Variants in RBM39 observed in about 807,000 individuals in gnomAD.
RBM39 encodes RNA-binding protein 39.
Under a neutral mutation model 79.6 loss-of-function variants are expected in RBM39, and 12 were observed. That is an observed-to-expected ratio of 0.15 (90% CI 0.10 to 0.24). The LOEUF is 0.24. Ranked by LOEUF, RBM39 falls within the 10% of genes least tolerant of loss-of-function variation. The probability of loss-of-function intolerance (pLI) is 1.00; values close to 1 mark genes in which losing one functional copy is unlikely to be tolerated. For missense variants in RBM39, 243 were observed against 653.4 expected (o/e 0.37, Z 6.85); for synonymous variants, 185 against 208.4 (o/e 0.89, Z 0.97).
intron 3 of RBM39, among the ~76,000 whole-genome samples, chr20:35,733,303 CAAAA>C (rs60205656): frequency 2.9e-5 from 4 of 136,282 alleles, no homozygotes; most frequent in Admixed American, 7.3e-5. Context: ...AACACCATCT[CAAAA>C]AAAAAAAAAA....
chr20:35,719,593 A>G (rs73618515), intron 9 of RBM39, among the ~76,000 whole-genome samples: 1 of 151,612 alleles, frequency 6.6e-6, no homozygotes, highest in African/African-American at 2.4e-5. Context: ...AGGAGAATCA[A>G]TTGAACCTGG....
Position 35,741,038 on chromosome 20 carries a change from T to C in RBM39, c.-13-151A>G, listed in dbSNP as rs993447206. ...CGTGAGTAAACATTTTTCTTTTTTT[T>C]TTTTTTTTTTTTTGAGACGGAGTTT... On this transcript the variant is annotated intron_variant, in intron 1 of 16. Transcript: ENST00000253363. Among the ~76,000 whole-genome samples the C allele has an allele frequency of 1.7e-3, 198 of 117,166 alleles. 3 individuals are homozygous for C. Among genetic ancestry groups the C allele is most frequent in the African/African-American group, 5.3e-3 (169 of 32,102 alleles). The allele number at this position is 117,166 out of a possible 152,430, so 76.9% of individuals were successfully genotyped here. A position where few individuals can be genotyped will look rare whatever the true frequency, so the allele number is the denominator to read the frequency against.
At chr20:35,710,118 G>A (rs1463214948) in intron 12 of RBM39, among the ~76,000 whole-genome samples, 2 of 152,168 alleles carry the variant, frequency 1.3e-5, no homozygotes, top group Admixed American at 6.5e-5. Context: ...CTCTCTTGAA[G>A]TTCTTTTTAT....
At chr20:35,730,844 AGCT>A (rs2039283752) in intron 4 of RBM39, among the ~76,000 whole-genome samples, 1 of 152,182 alleles carries the variant, frequency 6.6e-6, no homozygotes, top group Admixed American at 6.5e-5. Context: ...TCCCATTTTC[AGCT>A]ATTAAAAAGT....
Position 35,738,999 on chromosome 20 carries a change from T to C in RBM39, c.70A>G (p.Ser24Gly). The C allele has an allele frequency of 1.2e-6, 2 of 1,613,398 alleles. No individual in the cohort carries two copies. Among genetic ancestry groups the C allele is most frequent in the Non-Finnish European group, 1.7e-6 (2 of 1,179,332 alleles). ...PYKKDENKLS[S>G]ANGHEERSKK... ...CTACGTTCTTCATGGCCGTTGGCAC[T>C]GCTCAACTTGTTCTCATCCTAAGCA... The change falls in exon 3 of 17, where the codon AGT (serine) becomes GGT (glycine). Residue 24 changes from serine (S) to glycine (G), a missense_variant. This residue lies in a region of RBM39 where 115 missense variants were observed against 184.1 expected (regional missense o/e 0.62). Transcript: ENST00000253363.
chr20:35,728,302 G>A (rs1301786006), intron 6 of RBM39, among the ~76,000 whole-genome samples: 1 of 152,116 alleles, frequency 6.6e-6, no homozygotes, highest in Non-Finnish European at 1.5e-5. Flanking sequence ...TGATATAACT[G>A]CTACGTTGCC....
chr20:35,721,087 C>T (rs1047652068), intron 9 of RBM39, among the ~76,000 whole-genome samples: 3 of 151,994 alleles, frequency 2.0e-5, no homozygotes, highest in Admixed American at 6.6e-5. Context: ...AACACAGAGA[C>T]GCACCAACAC....
At chr20:35,736,465 T>C (rs1213538494) in intron 3 of RBM39, 1 of 376,368 alleles carries the variant, frequency 2.7e-6, no homozygotes, top group Non-Finnish European at 5.5e-6. Context: ...AAGCCCTGAA[T>C]AACATTATAT....
At chr20:35,729,557 T>C in intron 4 of RBM39, 30 bp from the exon 5 acceptor site, 1 of 1,602,588 alleles carries the variant, frequency 6.2e-7, no homozygotes, top group South Asian at 1.1e-5. Context: ...TTACACTAGT[T>C]ACAGGTTTAG....
At chr20:35,725,994 G>C (rs988380435) in intron 6 of RBM39, among the ~76,000 whole-genome samples, 1 of 151,854 alleles carries the variant, frequency 6.6e-6, no homozygotes, top group Non-Finnish European at 1.5e-5. Flanking sequence ...AAGATCTATT[G>C]ACAAAAAATG....
chr20:35,741,609 C>T (rs1212155973), intron 1 of RBM39: 2 of 152,202 alleles, frequency 1.3e-5, no homozygotes, highest in Non-Finnish European at 2.9e-5. Flanking sequence ...CCCGCGCTGC[C>T]ATTTTAGGGG....
At chr20:35,720,342 C>T (rs573746693) in intron 9 of RBM39, among the ~76,000 whole-genome samples, 5 of 152,216 alleles carry the variant, frequency 3.3e-5, no homozygotes, top group South Asian at 2.1e-4. Context: ...GGCCTCGTGG[C>T]GCCTGTGAAG....
chr20:35,725,657 C>CTTT (rs773506913), intron 6 of RBM39, among the ~76,000 whole-genome samples: 28 of 122,212 alleles, frequency 2.3e-4, no homozygotes, highest in African/African-American at 5.8e-4. Context: ...AACCCATTTT[C>CTTT]TTTTTTTTTT....
At chr20:35,717,536 A>C (rs2146563576) in intron 9 of RBM39, among the ~76,000 whole-genome samples, 1 of 152,342 alleles carries the variant, frequency 6.6e-6, no homozygotes, top group East Asian at 1.9e-4. Context: ...ACAGAATCGT[A>C]AAAATGGAAT....
At chr20:35,725,975 AT>A (rs2038637540) in intron 6 of RBM39, among the ~76,000 whole-genome samples, 1 of 151,944 alleles carries the variant, frequency 6.6e-6, no homozygotes, top group Non-Finnish European at 1.5e-5. Context: ...ACCCAAGCCC[AT>A]TTTCAGTAAG....
At chr20:35,717,858 AG>A (rs1458420427) in intron 9 of RBM39, among the ~76,000 whole-genome samples, 7 of 145,576 alleles carry the variant, frequency 4.8e-5, no homozygotes, top group African/African-American at 1.9e-4. Flanking sequence ...CAAACAAGAA[AG>A]GAACTTTTTT....
intron 8 of RBM39, among the ~76,000 whole-genome samples, chr20:35,723,204 T>C (rs1429485381): frequency 6.6e-6 from 1 of 150,616 alleles, no homozygotes; most frequent in Admixed American, 6.6e-5. Flanking sequence ...GAGTCAGCTG[T>C]CATCCCTCCA....
chr20:35,734,099 T>C (rs958471147), intron 3 of RBM39: 4 of 575,228 alleles, frequency 7.0e-6, no homozygotes, highest in Non-Finnish European at 1.1e-5. Context: ...AAGTTACATA[T>C]CACAAGAGCA....
At chr20:35,725,931 TG>T (rs1285367538) in intron 6 of RBM39, among the ~76,000 whole-genome samples, 1 of 152,164 alleles carries the variant, frequency 6.6e-6, no homozygotes, top group Non-Finnish European at 1.5e-5. Context: ...CCCAAAGTGC[TG>T]GGATTACAGG....
Sources: gnomAD v4.1 joint callset for allele counts (sites outside exome capture counted in the v4.1 genomes callset) on GRCh38, gnomAD v4.1.1 for gene constraint, gnomAD v4.1.1 regional missense constraint, MANE v1.5 for transcripts, NCBI Gene and HGNC (gene_info 2026-07-23, HGNC 2026-07-21) for gene names.